ZNF776: variants seen among roughly 807,000 people sequenced by gnomAD.
The protein encoded by ZNF776 is zinc finger protein 776.
In ZNF776, 4 loss-of-function variants were observed where a neutral mutation model predicts 7.0. The observed-to-expected ratio is 0.57, with a 90% CI of 0.28 to 1.31. The LOEUF is 1.31. Among genes scored for constraint, ZNF776 ranks in the 50% most tolerant of loss-of-function variants. ZNF776 has a pLI of 0.10. For missense variants in ZNF776, 555 were observed against 625.9 expected (o/e 0.89, Z 1.21); for synonymous variants, 212 against 213.7 (o/e 0.99, Z 0.07).
At chr19:57,752,604 A>G in intron 2 of ZNF776, among the ~76,000 whole-genome samples, 1 of 152,120 alleles carries the variant, frequency 6.6e-6, no homozygotes, top group East Asian at 1.9e-4. Context: ...AAGCTCTCTG[A>G]TTTCACAAGT....
Position 57,753,468 on chromosome 19 carries a change from T to G in ZNF776, c.338T>G (p.Leu113Trp). The change falls in exon 3 of 3, where the codon TTG becomes TGG. Residue 113 changes from leucine (L) to tryptophan (W), a missense_variant. Leu to Trp is a moderately conservative substitution (Grantham distance 61). Coordinates refer to ENST00000317178, the MANE Select transcript of ZNF776 (RefSeq NM_173632.4). ...CAGGGAACACAACACAATCAGAAAT[T>G]GAATGGGTTTGGGGCATATGAAAAA... Reference protein sequence around the residue: ...LHQGTQHNQKLNGFGAYEKKL... With the variant: ...LHQGTQHNQKWNGFGAYEKKL... 1 of 1,614,124 alleles carries G rather than the reference T, an allele frequency of 6.2e-7. No homozygotes were observed. The highest frequency in any genetic ancestry group is 8.5e-7 in the Non-Finnish European group (1 of 1,180,012).
intron 2 of ZNF776, among the ~76,000 whole-genome samples, 161 bp downstream of exon 2, chr19:57,751,072 G>A (rs1339036728): frequency 9.7e-6 from 1 of 103,338 alleles, no homozygotes; most frequent in Middle Eastern, 5.1e-3. Context: ...ACTGAGGTGT[G>A]TGCACTGCCC....
rs1063854 is a variant in ZNF776 at position 57,757,058 on chromosome 19, A to G, written c.*2371A>G. ...GCTATTTTACCCTGACTGATGTTCA[A>G]CTCCTGGCCTCAAGTAATCCTCTAG... On this transcript the variant is annotated 3_prime_UTR_variant, in exon 3 of 3. Transcript: ENST00000317178. 2,413 of 273,584 alleles carry G rather than the reference A, an allele frequency of 8.8e-3. 60 individuals carry two copies. Among genetic ancestry groups the G allele is most frequent in the African/African-American group, 0.051 (2,252 of 44,284 alleles). The allele number at this position is 273,584 out of a possible 1,614,324, so 16.9% of individuals were successfully genotyped here.
chr19:57,754,808 T>A lies in ZNF776; in HGVS notation c.*121T>A. ...CATCTAGCCAAAAGGTTGGCCTCAT[T>A]CAACAATAGCAAGATCACACTGGGG... On this transcript the variant is annotated 3_prime_UTR_variant, in exon 3 of 3. Coordinates refer to ENST00000317178, the MANE Select transcript of ZNF776 (RefSeq NM_173632.4). 1 of 963,132 alleles carries A rather than the reference T, an allele frequency of 1.0e-6. No homozygotes were observed. Among genetic ancestry groups the A allele is most frequent in the African/African-American group, 1.7e-5 (1 of 60,530 alleles). 59.7% of individuals were successfully genotyped at this position (963,132 alleles called of 1,614,324 possible). A position where few individuals can be genotyped will look rare whatever the true frequency, so the allele number is the denominator to read the frequency against.
intron 1 of ZNF776, 139 bp downstream of exon 1, chr19:57,747,230 T>C: frequency 1.2e-6 from 1 of 858,064 alleles, no homozygotes; most frequent in South Asian, 1.8e-5. Flanking sequence ...TGGGCCCCCG[T>C]TTTTGACACC....
At chr19:57,747,266 A>G (rs891844984) in intron 1 of ZNF776, among the ~76,000 whole-genome samples, 175 bp downstream of exon 1, 3 of 152,190 alleles carry the variant, frequency 2.0e-5, no homozygotes, top group African/African-American at 7.2e-5. Flanking sequence ...GGAGAGCTAC[A>G]GGCACAGGGA....
In ZNF776 at chr19:57,756,772, G is replaced by A; in HGVS notation, c.*2085G>A. 1 of 405,694 alleles carries A rather than the reference G, an allele frequency of 2.5e-6. No homozygotes were observed. The highest frequency in any genetic ancestry group is 1.8e-5 in the South Asian group (1 of 54,098). The allele number at this position is 405,694 out of a possible 1,614,324, so 25.1% of individuals were successfully genotyped here. A position where few individuals can be genotyped will look rare whatever the true frequency, so the allele number is the denominator to read the frequency against. Reference sequence around the variant, plus strand: ...GGGAAATCTGTTCTCAAGTCCTACAGTGCATTCATGTGTCCTGAAGTCCAG... The same window carrying A: ...GGGAAATCTGTTCTCAAGTCCTACAATGCATTCATGTGTCCTGAAGTCCAG... On this transcript the variant is annotated 3_prime_UTR_variant, in exon 3 of 3. Coordinates refer to ENST00000317178, the MANE Select transcript of ZNF776 (RefSeq NM_173632.4).
chr19:57,754,777 C>T lies in ZNF776; in HGVS notation c.*90C>T. 23 of 1,351,734 alleles carry T rather than the reference C, an allele frequency of 1.7e-5. No individual in the cohort carries two copies. Among genetic ancestry groups the T allele is most frequent in the Non-Finnish European group, 2.3e-5 (23 of 985,210 alleles). The allele number at this position is 1,351,734 out of a possible 1,614,324, so 83.7% of individuals were successfully genotyped here. A position where few individuals can be genotyped will look rare whatever the true frequency, so the allele number is the denominator to read the frequency against. ...AGCACTTATGAGTATGGAGAATGTG[C>T]AAAATCATCTAGCCAAAAGGTTGGC... On this transcript the variant is annotated 3_prime_UTR_variant, in exon 3 of 3. Transcript: ENST00000317178.
At chr19:57,750,591 A>G (rs1461681025) in intron 1 of ZNF776, among the ~76,000 whole-genome samples, 194 bp from the exon 2 acceptor site, 1 of 152,200 alleles carries the variant, frequency 6.6e-6, no homozygotes, top group Non-Finnish European at 1.5e-5. Flanking sequence ...ACCAAAACAT[A>G]GAAATCTATT....
chr19:57,754,162 A>G lies in ZNF776; in HGVS notation c.1032A>G (p.Gly344=). 1 of 1,614,164 alleles carries G rather than the reference A, an allele frequency of 6.2e-7. No individual in the cohort carries two copies. Among genetic ancestry groups the G allele is most frequent in the East Asian group, 2.2e-5 (1 of 44,878 alleles). ...TTCACCACCAGCGAGTTCACACTGG[A>G]GAAAGACCTTATCAGTGTGGAGAAT... ...SLVHHQRVHT[G]ERPYQCGECG... The change falls in exon 3 of 3, where the codon GGA becomes GGG. Residue 344 remains glycine (G), a synonymous_variant. Coordinates refer to ENST00000317178, the MANE Select transcript of ZNF776 (RefSeq NM_173632.4).
Position 57,758,059 on chromosome 19 carries a change from G to A in ZNF776, c.*3372G>A, listed in dbSNP as rs143092021. On this transcript the variant is annotated 3_prime_UTR_variant, in exon 3 of 3. Transcript: ENST00000317178. ...TTTATCTTAGAATATGACATGCTAT[G>A]GAAATCACTGTATACGAATTCATCT... 1.6e-4 allele frequency: 24 copies of A among 152,160 alleles called. No homozygotes were observed. The highest frequency in any genetic ancestry group is 5.1e-4 in the African/African-American group (21 of 41,522). The allele number at this position is 152,160 out of a possible 1,614,324, so 9.4% of individuals were successfully genotyped here.
chr19:57,746,827 G>C lies in ZNF776; in HGVS notation c.-232G>C. Reference sequence around the variant, plus strand: ...GGCGTCCTCTACTAGTGGCCATTTTGATTGGTGTTGGGTGTATTTTCCAGT... The same window carrying C: ...GGCGTCCTCTACTAGTGGCCATTTTCATTGGTGTTGGGTGTATTTTCCAGT... On this transcript the variant is annotated 5_prime_UTR_variant, in exon 1 of 3. Coordinates refer to ENST00000317178, the MANE Select transcript of ZNF776 (RefSeq NM_173632.4). 2.4e-6 allele frequency: 1 copy of C among 419,734 alleles called. No individual in the cohort carries two copies. Among genetic ancestry groups the C allele is most frequent in the Non-Finnish European group, 4.3e-6 (1 of 235,050 alleles). 26.0% of individuals were successfully genotyped at this position (419,734 alleles called of 1,614,324 possible). A position where few individuals can be genotyped will look rare whatever the true frequency, so the allele number is the denominator to read the frequency against.
chr19:57,752,919 C>T (rs1201917065), intron 2 of ZNF776, among the ~76,000 whole-genome samples: 1 of 152,138 alleles, frequency 6.6e-6, no homozygotes, highest in Admixed American at 6.5e-5. Flanking sequence ...TTGTTGTACT[C>T]GTATTTTCCT....
At position 57,755,970 on chromosome 19, in the gene ZNF776, A is replaced by G. The variant is rs1018503420; in HGVS notation, c.*1283A>G. Reference sequence around the variant, plus strand: ...GTTCTGGCCTAGAGCAGAAGTGTCCAATCTTTTGGCTTTCCTGGTCCACAT... The same window carrying G: ...GTTCTGGCCTAGAGCAGAAGTGTCCGATCTTTTGGCTTTCCTGGTCCACAT... On this transcript the variant is annotated 3_prime_UTR_variant, in exon 3 of 3. Coordinates refer to ENST00000317178, the MANE Select transcript of ZNF776 (RefSeq NM_173632.4). 1.2e-4 allele frequency: 18 copies of G among 152,208 alleles called. No homozygotes were observed. The highest frequency in any genetic ancestry group is 4.3e-4 in the African/African-American group (18 of 41,456). 9.4% of individuals were successfully genotyped at this position (152,208 alleles called of 1,614,324 possible).
intron 1 of ZNF776, among the ~76,000 whole-genome samples, chr19:57,748,305 G>C (rs1367260566): frequency 6.6e-6 from 1 of 152,192 alleles, no homozygotes; most frequent in Non-Finnish European, 1.5e-5. Flanking sequence ...GGTCTTAGTA[G>C]CTGTAGCTAT....
At position 57,756,835 on chromosome 19, in the gene ZNF776, G is replaced by T. The variant is rs1315242450; in HGVS notation, c.*2148G>T. 2.2e-6 allele frequency: 1 copy of T among 454,474 alleles called. No homozygotes were observed. Among genetic ancestry groups the T allele is most frequent in the African/African-American group, 2.0e-5 (1 of 49,980 alleles). 28.2% of individuals were successfully genotyped at this position (454,474 alleles called of 1,614,324 possible). Reference sequence around the variant, plus strand: ...TAGTGTCCTACGTTATAAGCCTGGAGAAAGAAATCATAATTCTTTAATTTT... The same window carrying T: ...TAGTGTCCTACGTTATAAGCCTGGATAAAGAAATCATAATTCTTTAATTTT... On this transcript the variant is annotated 3_prime_UTR_variant, in exon 3 of 3. Coordinates refer to ENST00000317178, the MANE Select transcript of ZNF776 (RefSeq NM_173632.4).
chr19:57,753,338 T>C lies in ZNF776; in HGVS notation c.208T>C (p.Ser70Pro), dbSNP rs1986662299. ...CGAGACACCTTCTAAGCAGACCCTTTCTATACAACAGGAGTCCCCACTCAG... is the reference window on the plus strand; with the variant it reads ...CGAGACACCTTCTAAGCAGACCCTTCCTATACAACAGGAGTCCCCACTCAG... ...KDETPSKQTL[S>P]IQQESPLRTH... The change falls in exon 3 of 3, where the codon TCT becomes CCT. Residue 70 changes from serine (S) to proline (P), a missense_variant. Transcript: ENST00000317178. 2 of 1,614,042 alleles carry C rather than the reference T, an allele frequency of 1.2e-6. No homozygotes were observed. The highest frequency in any genetic ancestry group is 2.7e-5 in the African/African-American group (2 of 74,942).
intron 1 of ZNF776, among the ~76,000 whole-genome samples, chr19:57,748,915 T>G (rs1056107748): frequency 6.6e-6 from 1 of 152,036 alleles, no homozygotes; most frequent in African/African-American, 2.4e-5. Context: ...GGGAGAAATA[T>G]GGTCATCTGT....
rs540258540 is a variant in ZNF776 at position 57,757,721 on chromosome 19, A to T, written c.*3034A>T. 18 of 152,280 alleles carry T rather than the reference A, an allele frequency of 1.2e-4. No homozygotes were observed. Among genetic ancestry groups the T allele is most frequent in the African/African-American group, 4.3e-4 (18 of 41,572 alleles). 9.4% of individuals were successfully genotyped at this position (152,280 alleles called of 1,614,324 possible). ...CCAGGGTGGGAGTATTGCTTGAGGT[A>T]AGAAGTTTGAGACTAGCCTGGGTCC... On this transcript the variant is annotated 3_prime_UTR_variant, in exon 3 of 3. Coordinates refer to ENST00000317178, the MANE Select transcript of ZNF776 (RefSeq NM_173632.4).
Sources: gnomAD v4.1 joint callset for allele counts (sites outside exome capture counted in the v4.1 genomes callset) on GRCh38, gnomAD v4.1.1 for gene constraint, MANE v1.5 for transcripts, NCBI Gene and HGNC (gene_info 2026-07-23, HGNC 2026-07-21) for gene names.